GRIK2: variants seen among roughly 807,000 people sequenced by gnomAD.
GRIK2 encodes glutamate receptor ionotropic, kainate 2.
GRIK2 carries 32 observed loss-of-function variants against 100.3 expected under a neutral mutation model. The observed-to-expected ratio is 0.32, with a 90% CI of 0.24 to 0.43. The LOEUF (loss-of-function observed/expected upper bound fraction) is 0.43. Ranked by LOEUF, GRIK2 falls within the 20% of genes least tolerant of loss-of-function variation. GRIK2 has a pLI of 1.00. For missense variants in GRIK2, 843 were observed against 1,114.9 expected (o/e 0.76, Z 3.47); for synonymous variants, 417 against 389.4 (o/e 1.07, Z -0.83).
chr6:101,780,669 C>T (rs1779028546), intron 7 of GRIK2, among the ~76,000 whole-genome samples: 1 of 152,006 alleles, frequency 6.6e-6, no homozygotes, highest in South Asian at 2.1e-4. Context: ...CTGTTCCACC[C>T]CTCTCTTCTT....
chr6:101,982,633 A>G (rs1054276909), intron 14 of GRIK2, among the ~76,000 whole-genome samples: 3 of 150,900 alleles, frequency 2.0e-5, no homozygotes, highest in Non-Finnish European at 3.0e-5. Context: ...CCTCAGAATT[A>G]GCTGCTACTA....
chr6:101,509,475 C>G (rs184427576), intron 2 of GRIK2, among the ~76,000 whole-genome samples: 3 of 152,176 alleles, frequency 2.0e-5, no homozygotes, highest in Non-Finnish European at 4.4e-5. Flanking sequence ...CAATTCAACT[C>G]ATAGAAAATA....
At chr6:101,560,036 A>G (rs921095151) in intron 2 of GRIK2, among the ~76,000 whole-genome samples, 1 of 152,170 alleles carries the variant, frequency 6.6e-6, no homozygotes, top group Non-Finnish European at 1.5e-5. Context: ...GCTTCATAGC[A>G]GAGGAATAGG....
At chr6:102,005,297 T>C (rs1352249030) in intron 14 of GRIK2, among the ~76,000 whole-genome samples, 1 of 151,924 alleles carries the variant, frequency 6.6e-6, no homozygotes, top group African/African-American at 2.4e-5. Context: ...AAAATGCTGA[T>C]CTTCAAATAA....
chr6:101,657,295 T>C (rs1435917826), intron 4 of GRIK2, among the ~76,000 whole-genome samples: 1 of 152,066 alleles, frequency 6.6e-6, no homozygotes, highest in Non-Finnish European at 1.5e-5. Flanking sequence ...AAGGGGCTCT[T>C]CCCCCTTTGC....
intron 14 of GRIK2, among the ~76,000 whole-genome samples, chr6:101,954,201 T>A (rs887737083): frequency 6.6e-6 from 1 of 152,172 alleles, no homozygotes; most frequent in African/African-American, 2.4e-5. Flanking sequence ...ATTTCAAGAT[T>A]GTTTTGACTA....
chr6:101,457,647 TA>T (rs1771083209), intron 2 of GRIK2, among the ~76,000 whole-genome samples: 1 of 152,308 alleles, frequency 6.6e-6, no homozygotes, highest in Admixed American at 6.5e-5. Context: ...ACTTATTTGC[TA>T]AAAGCTGTAG....
chr6:101,585,565 G>T (rs2021677), intron 2 of GRIK2, among the ~76,000 whole-genome samples: 37,081 of 151,828 alleles, frequency 0.24, 4,721 homozygotes, highest in African/African-American at 0.32. Flanking sequence ...TGTGATACAG[G>T]GTATTCATAG....
rs370241149 is a variant in GRIK2, at chr6:101,909,371, G to GTTTTTTTTTTTTTTT, written c.1749-15226_1749-15225insTTTTTTTTTTTTTTT. On this transcript the variant is annotated intron_variant, in intron 12 of 16. Transcript: ENST00000369134. ...TTTTTGGATGCTGAAGGAAGATAGGGTTTTCTTTTTCTTTTTTTTTTTTTT... is the reference window on the plus strand; with the variant it reads ...TTTTTGGATGCTGAAGGAAGATAGGGTTTTTTTTTTTTTTTTTTTCTTTTTCTTTTTTTTTTTTTT... 8.4e-5 allele frequency among the ~76,000 whole-genome samples: 7 copies of GTTTTTTTTTTTTTTT among 83,518 alleles called. 1 individual carries two copies. Among genetic ancestry groups the GTTTTTTTTTTTTTTT allele is most frequent in the Non-Finnish European group, 7.0e-5 (3 of 43,004 alleles). The allele number at this position is 83,518 out of a possible 152,430, so 54.8% of individuals were successfully genotyped here.
chr6:102,051,334 T>A (rs566764038), intron 15 of GRIK2, among the ~76,000 whole-genome samples: 59 of 146,912 alleles, frequency 4.0e-4, no homozygotes, highest in Non-Finnish European at 8.1e-4. Flanking sequence ...AGCTAGGACT[T>A]TTTTTTACTT....
At chr6:101,511,161 T>C (rs2243763) in intron 2 of GRIK2, among the ~76,000 whole-genome samples, 2,632 of 152,312 alleles carry the variant, frequency 0.017, 42 homozygotes, top group Middle Eastern at 0.044. Context: ...ATAAATACTT[T>C]AGGAATTTAT....
chr6:101,919,083 A>G (rs1212953336), intron 12 of GRIK2, among the ~76,000 whole-genome samples: 7 of 151,882 alleles, frequency 4.6e-5, no homozygotes, highest in Admixed American at 4.6e-4. Context: ...GTTTGAATAA[A>G]GTTAAAAATA....
intron 2 of GRIK2, among the ~76,000 whole-genome samples, chr6:101,456,168 T>C (rs563217814): frequency 6.6e-6 from 1 of 151,774 alleles, no homozygotes; most frequent in African/African-American, 2.4e-5. Context: ...CATATGTGCA[T>C]GTAAGAAAAC....
chr6:101,901,767 T>A (rs1787860111), intron 12 of GRIK2, among the ~76,000 whole-genome samples: 1 of 151,932 alleles, frequency 6.6e-6, no homozygotes, highest in African/African-American at 2.4e-5. Context: ...TTCATTAAGA[T>A]TATGTATTTT....
At chr6:101,877,471 C>G (rs1785937428) in intron 11 of GRIK2, among the ~76,000 whole-genome samples, 1 of 151,844 alleles carries the variant, frequency 6.6e-6, no homozygotes, top group East Asian at 1.9e-4. Context: ...AGGTTATATG[C>G]AAATACTATA....
At chr6:101,862,719 C>T (rs1283998157) in intron 11 of GRIK2, among the ~76,000 whole-genome samples, 1 of 152,070 alleles carries the variant, frequency 6.6e-6, no homozygotes, top group East Asian at 1.9e-4. Context: ...GCCACTGTGC[C>T]TGGCTTCAAA....
In GRIK2 at chr6:101,550,666, T is replaced by C. The variant is rs542615933; in HGVS notation, c.116-71283T>C. 1.1e-4 allele frequency among the ~76,000 whole-genome samples: 17 copies of C among 152,286 alleles called. No homozygotes were observed. The South Asian group carries it at 3.5e-3, about 32-fold the overall frequency. On this transcript the variant is annotated intron_variant, in intron 2 of 16. Coordinates refer to ENST00000369134, the MANE Select transcript of GRIK2 (RefSeq NM_021956.5). ...GTGGAATGTAAAACTACTATTACAGTGGGGAATTAAATATTATTTGGCCCA... is the reference window on the plus strand; with the variant it reads ...GTGGAATGTAAAACTACTATTACAGCGGGGAATTAAATATTATTTGGCCCA...
chr6:102,061,209 T>C (rs1771733853), intron 16 of GRIK2, among the ~76,000 whole-genome samples: 1 of 150,622 alleles, frequency 6.6e-6, no homozygotes, highest in African/African-American at 2.4e-5. Flanking sequence ...TCCCCACAAA[T>C]AATTATTTTT....
intron 14 of GRIK2, among the ~76,000 whole-genome samples, chr6:101,990,498 A>C (rs1407421940): frequency 1.3e-5 from 2 of 151,610 alleles, no homozygotes; most frequent in African/African-American, 2.4e-5. Context: ...GAACCTCATC[A>C]CTTGTAACTG....
Sources: gnomAD v4.1 joint callset for allele counts (sites outside exome capture counted in the v4.1 genomes callset) on GRCh38, gnomAD v4.1.1 for gene constraint, MANE v1.5 for transcripts, NCBI Gene and HGNC (gene_info 2026-07-23, HGNC 2026-07-21) for gene names.